SLC24A2: variants seen among roughly 807,000 people sequenced by gnomAD.
The protein encoded by SLC24A2 is sodium/potassium/calcium exchanger 2.
In SLC24A2, 36 loss-of-function variants were observed where a neutral mutation model predicts 62.0. The ratio of observed to expected loss-of-function variants is 0.58; its 90% confidence interval spans 0.44 to 0.77. The LOEUF is 0.77. Among genes scored for constraint, SLC24A2 ranks in the 30% least tolerant of loss-of-function variants. SLC24A2 has a pLI of 0.00. For missense variants in SLC24A2, 846 were observed against 817.9 expected, an observed-to-expected ratio of 1.03 and a Z score of -0.42; for synonymous variants, 358 against 294.0, an observed-to-expected ratio of 1.22 and a Z score of -2.23.
intron 4 of SLC24A2, among the ~76,000 whole-genome samples, chr9:19,601,223 CT>C (rs1197869293): frequency 6.6e-6 from 1 of 151,960 alleles, no homozygotes; most frequent in African/African-American, 2.4e-5. Flanking sequence ...AATCAGTACT[CT>C]GTAAAATGCA....
chr9:19,726,949 G>C (rs1025911901), intron 2 of SLC24A2, among the ~76,000 whole-genome samples: 2 of 152,058 alleles, frequency 1.3e-5, no homozygotes, highest in African/African-American at 2.4e-5. Flanking sequence ...TTTATCCCTA[G>C]GTAGTACATG....
intron 1 of SLC24A2, chr9:19,788,388 C>G: frequency 3.7e-6 from 2 of 534,754 alleles, no homozygotes; most frequent in Non-Finnish European, 4.8e-6. Flanking sequence ...CTCGCTCCCC[C>G]TGAAAACCCA....
At chr9:20,210,424 T>A in the SLC24A2 span, among the ~76,000 whole-genome samples, 4 of 151,866 alleles carry the variant, frequency 2.6e-5, no homozygotes, top group African/African-American at 9.7e-5. Flanking sequence ...AAATAGCATT[T>A]AAAGGGAGAA....
chr9:20,207,409 A>C, the SLC24A2 span, among the ~76,000 whole-genome samples: 565 of 152,184 alleles, frequency 3.7e-3, 1 homozygote, highest in Non-Finnish European at 6.8e-3. Context: ...CTTTGTCCTT[A>C]GTACTCAGAG....
intron 2 of SLC24A2, among the ~76,000 whole-genome samples, chr9:19,720,836 GATGT>G (rs1821004650): frequency 9.0e-6 from 1 of 111,702 alleles, no homozygotes; most frequent in Non-Finnish European, 1.8e-5. Context: ...TATGTGGAAT[GATGT>G]GTGTGTGTGT....
intron 4 of SLC24A2, among the ~76,000 whole-genome samples, chr9:19,608,945 G>A (rs1160214066): frequency 2.0e-5 from 3 of 152,182 alleles, no homozygotes; most frequent in Non-Finnish European, 4.4e-5. Context: ...ACATAGTTTG[G>A]GGTTTCCCTG....
At chr9:19,987,181 G>A in the SLC24A2 span, among the ~76,000 whole-genome samples, 1 of 152,076 alleles carries the variant, frequency 6.6e-6, no homozygotes, top group Admixed American at 6.6e-5. Context: ...GGGGGACAAC[G>A]AGTTTAGTTG....
the SLC24A2 span, among the ~76,000 whole-genome samples, chr9:19,805,341 G>C: frequency 6.6e-6 from 1 of 152,112 alleles, no homozygotes; most frequent in Non-Finnish European, 1.5e-5. Flanking sequence ...TTTTTCTAGA[G>C]ACTACTATCC....
intron 2 of SLC24A2, among the ~76,000 whole-genome samples, chr9:19,636,299 CTTTTCTTTTCTTTTCTTTT>C: frequency 2.4e-5 from 1 of 41,958 alleles, no homozygotes; most frequent in Non-Finnish European, 4.7e-5. Context: ...CTTTTCTTTT[CTTTTCTTTTCTTTTCTTTT>C]CTTTCTTTCT....
the SLC24A2 span, among the ~76,000 whole-genome samples, chr9:19,925,626 T>C: frequency 6.6e-6 from 1 of 152,008 alleles, no homozygotes; most frequent in South Asian, 2.1e-4. Flanking sequence ...GAAAAAAAAA[T>C]TGACCAGAAC....
intron 2 of SLC24A2, among the ~76,000 whole-genome samples, chr9:19,771,145 A>G (rs369079385): frequency 4.3e-4 from 65 of 152,364 alleles, no homozygotes; most frequent in African/African-American, 1.5e-3. Context: ...TGCAATGAGC[A>G]TAACTGCCAA....
chr9:19,993,588 A>G, the SLC24A2 span, among the ~76,000 whole-genome samples: 1 of 152,204 alleles, frequency 6.6e-6, no homozygotes, highest in Non-Finnish European at 1.5e-5. Flanking sequence ...AGTACCTGCT[A>G]CTATGTTCAG....
chr9:19,552,617 CT>C (rs967042013), intron 7 of SLC24A2, among the ~76,000 whole-genome samples: 4 of 152,196 alleles, frequency 2.6e-5, no homozygotes, highest in South Asian at 2.1e-4. Context: ...ATGCCTCCCC[CT>C]AGCTCTGTTC....
At chr9:19,933,646 T>A in the SLC24A2 span, among the ~76,000 whole-genome samples, 31 of 152,158 alleles carry the variant, frequency 2.0e-4, no homozygotes, top group Non-Finnish European at 3.7e-4. Flanking sequence ...ATAAAACACA[T>A]GTCTGTTTAA....
intron 9 of SLC24A2, 71 bp downstream of exon 9, chr9:19,527,978 C>T: frequency 2.1e-6 from 2 of 975,220 alleles, no homozygotes; most frequent in Non-Finnish European, 3.2e-6. Context: ...AAAGCAAACA[C>T]AATGATTAAA....
At chr9:19,524,050 C>G (rs1475203716) in intron 9 of SLC24A2, among the ~76,000 whole-genome samples, 1 of 145,272 alleles carries the variant, frequency 6.9e-6, no homozygotes, top group African/African-American at 2.6e-5. Context: ...CGGGACAGTA[C>G]TCTGAAAAAT....
the SLC24A2 span, among the ~76,000 whole-genome samples, chr9:19,991,787 G>A: frequency 6.6e-6 from 1 of 152,204 alleles, no homozygotes; most frequent in Non-Finnish European, 1.5e-5. Context: ...AAATAAGTCA[G>A]TGGTTGATTA....
chr9:20,020,098 T>C, the SLC24A2 span, among the ~76,000 whole-genome samples: 9 of 152,120 alleles, frequency 5.9e-5, no homozygotes, highest in Non-Finnish European at 1.2e-4. Context: ...TGTGGACAAA[T>C]AGGAACGCTC....
rs1367896634 is a variant in SLC24A2, at chr9:19,785,834, A to T, written c.930+103T>A. On this transcript the variant is annotated intron_variant, in intron 2 of 10. Transcript: ENST00000341998. ...GCAGAATCAATCTGCTATCCACAAG[A>T]GCCCCAAACACCATCACATCAAAAG... 39 of 1,448,596 alleles carry T rather than the reference A, an allele frequency of 2.7e-5. No homozygotes were observed. The Admixed American group carries it at 6.8e-4, about 25-fold the overall frequency. 89.7% of individuals were successfully genotyped at this position (1,448,596 alleles called of 1,614,324 possible). A position where few individuals can be genotyped will look rare whatever the true frequency, so the allele number is the denominator to read the frequency against.
Sources: allele counts gnomAD v4.1 joint callset (sites outside exome capture counted in the v4.1 genomes callset), GRCh38; gene constraint gnomAD v4.1.1; transcripts MANE v1.5; gene names NCBI Gene and HGNC (gene_info 2026-07-23, HGNC 2026-07-21).